Variants in POLK observed in about 807,000 individuals in gnomAD.
POLK encodes polymerase (DNA directed) kappa.
In POLK, 76 loss-of-function variants were observed where a neutral mutation model predicts 94.0. The observed-to-expected ratio is 0.81, with a 90% CI of 0.67 to 0.98. The LOEUF is 0.98. Among genes scored for constraint, POLK ranks in the 50% least tolerant of loss-of-function variants. The pLI, the probability that POLK is intolerant of heterozygous loss-of-function variation, is 0.00. For synonymous variants in POLK, 349 were observed against 325.4 expected (o/e 1.07, Z -0.78); for missense variants, 954 against 1,010.1 (o/e 0.94, Z 0.75).
chr5:75,584,659 G>A (rs530590328), intron 8 of POLK, 101 bp from the exon 9 acceptor site: 33 of 675,296 alleles, frequency 4.9e-5, no homozygotes, highest in African/African-American at 2.6e-4. Context: ...CAACAAGAGC[G>A]AGACTCCATC....
exon 11 of POLK, chr5:75,590,357 A>G (rs1772715651): frequency 6.3e-7 from 1 of 1,584,672 alleles, no homozygotes; most frequent in East Asian, 2.2e-5. Context: ...ATTCAGTGAG[A>G]TAAATAAAGC....
At chr5:75,602,394 T>C (rs1773314745), downstream of POLK, among the ~76,000 whole-genome samples, 1 of 152,090 alleles carries the variant, frequency 6.6e-6, no homozygotes, top group Non-Finnish European at 1.5e-5. Context: ...AACACTATTA[T>C]CAAACTGGAA....
chr5:75,580,365 T>A (rs1772131542), intron 6 of POLK, among the ~76,000 whole-genome samples: 1 of 152,128 alleles, frequency 6.6e-6, no homozygotes, highest in Non-Finnish European at 1.5e-5. Flanking sequence ...GAAAACAGGC[T>A]TTAATAGATT....
At chr5:75,561,893 T>C (rs1172527160) in intron 3 of POLK, among the ~76,000 whole-genome samples, 1 of 152,222 alleles carries the variant, frequency 6.6e-6, no homozygotes, top group African/African-American at 2.4e-5. Flanking sequence ...AGTACCATGC[T>C]GTTTTGGCTA....
chr5:75,584,493 A>G (rs559052139), intron 8 of POLK, among the ~76,000 whole-genome samples: 1 of 152,124 alleles, frequency 6.6e-6, no homozygotes, highest in East Asian at 1.9e-4. Flanking sequence ...ATAAGAAGAA[A>G]CCCCATCTCT....
At chr5:75,589,047 T>C (rs1221161557) in intron 10 of POLK, among the ~76,000 whole-genome samples, 1 of 152,164 alleles carries the variant, frequency 6.6e-6, no homozygotes, top group East Asian at 1.9e-4. Context: ...AAATCACAGA[T>C]ACACATGTAC....
chr5:75,534,253 G>A (rs1412842061), intron 1 of POLK, among the ~76,000 whole-genome samples: 13 of 148,170 alleles, frequency 8.8e-5, no homozygotes, highest in South Asian at 8.7e-4. Flanking sequence ...ATGACAGAGC[G>A]AGACCCTGTC....
intron 13 of POLK, chr5:75,597,532 G>C: frequency 2.4e-6 from 1 of 423,510 alleles, no homozygotes; most frequent in Middle Eastern, 6.4e-4. Context: ...TTTTGGTAGT[G>C]CTGACTCTAC....
intron 3 of POLK, among the ~76,000 whole-genome samples, chr5:75,557,320 G>C (rs1458706813): frequency 6.6e-6 from 1 of 151,990 alleles, no homozygotes; most frequent in Non-Finnish European, 1.5e-5. Flanking sequence ...TGGATCTTTT[G>C]CCTCTCCATA....
chr5:75,533,002 G>T (rs542486985), intron 1 of POLK, among the ~76,000 whole-genome samples: 1 of 152,088 alleles, frequency 6.6e-6, no homozygotes, highest in Non-Finnish European at 1.5e-5. Flanking sequence ...TCTTGGATCC[G>T]TAGTTTGCAG....
chr5:75,545,905 T>A (rs947292075), intron 1 of POLK, among the ~76,000 whole-genome samples: 1 of 152,234 alleles, frequency 6.6e-6, no homozygotes, highest in African/African-American at 2.4e-5. Flanking sequence ...TCTTTTTGTA[T>A]GGCGAATAAT....
chr5:75,557,129 C>T (rs1770669779), intron 3 of POLK, among the ~76,000 whole-genome samples: 3 of 152,128 alleles, frequency 2.0e-5, no homozygotes, highest in Non-Finnish European at 4.4e-5. Flanking sequence ...TGTCAAAGAC[C>T]AATTGTCTGT....
chr5:75,575,028 G>A (rs1771800549), intron 5 of POLK, among the ~76,000 whole-genome samples: 1 of 152,210 alleles, frequency 6.6e-6, no homozygotes. Flanking sequence ...GGTTATTTAT[G>A]TAAGTCAGAG....
At chr5:75,517,607 T>C (rs1174946686) in intron 1 of POLK, among the ~76,000 whole-genome samples, 5 of 152,238 alleles carry the variant, frequency 3.3e-5, no homozygotes, top group African/African-American at 1.2e-4. Context: ...ACTCCTTCCT[T>C]TGCAATTTAG....
downstream of POLK, among the ~76,000 whole-genome samples, chr5:75,604,782 A>T (rs536178799): frequency 1.3e-5 from 2 of 152,336 alleles, no homozygotes; most frequent in South Asian, 4.1e-4. Flanking sequence ...CAGAGAGGTG[A>T]TGCTTATTTC....
chr5:75,550,662 G>A (rs1054879502), intron 2 of POLK, among the ~76,000 whole-genome samples: 5 of 151,956 alleles, frequency 3.3e-5, no homozygotes, highest in Admixed American at 6.6e-5. Context: ...AAAACCACAC[G>A]ATCATCTTAG....
exon 3 of POLK, chr5:75,552,550 G>A: frequency 1.2e-6 from 2 of 1,611,958 alleles, no homozygotes; most frequent in Non-Finnish European, 1.7e-6. Context: ...GCAACAAAAA[G>A]CTCAAATCAC....
chr5:75,514,108 A>C (rs1768211423), intron 1 of POLK, among the ~76,000 whole-genome samples: 2 of 152,186 alleles, frequency 1.3e-5, no homozygotes, highest in African/African-American at 4.8e-5. Flanking sequence ...GTTTATGAAA[A>C]TATACTTTAT....
chr5:75,568,258 A>G (rs1212761798), intron 3 of POLK, among the ~76,000 whole-genome samples: 2 of 152,162 alleles, frequency 1.3e-5, no homozygotes, highest in African/African-American at 4.8e-5. Flanking sequence ...TGTACCAGGT[A>G]CTGTTCTATG....
Sources: allele counts gnomAD v4.1 joint callset (sites outside exome capture counted in the v4.1 genomes callset), GRCh38; gene constraint gnomAD v4.1.1; transcripts MANE v1.5; gene names NCBI Gene and HGNC (gene_info 2026-07-23, HGNC 2026-07-21).